The following SYNE1 variants were observed in gnomAD, a reference collection of about 807,000 sequenced individuals.
SYNE1 encodes spectrin repeat containing nuclear envelope protein 1.
In SYNE1, 616 loss-of-function variants were observed where a neutral mutation model predicts 1,111.0. The observed-to-expected ratio is 0.55, with a 90% confidence interval of 0.52 to 0.59. The LOEUF is 0.59. Ranked by LOEUF, SYNE1 falls within the 20% of genes least tolerant of loss-of-function variation. The probability of loss-of-function intolerance (pLI) is 0.00; values close to 1 mark genes in which losing one functional copy is unlikely to be tolerated. For missense variants in SYNE1, 10,006 were observed against 10,417.0 expected (o/e 0.96, Z 1.72); for synonymous variants, 3,855 against 3,825.8 (o/e 1.01, Z -0.28).
intron 145 of SYNE1, chr6:152,127,110 A>G (rs2053731163): frequency 6.6e-6 from 1 of 152,046 alleles, no homozygotes; most frequent in Non-Finnish European, 1.5e-5. Context: ...TTTTTTTCCA[A>G]ACCAAACATT....
intron 44 of SYNE1, among the ~76,000 whole-genome samples, chr6:152,407,951 T>C (rs1388028225): frequency 7.9e-5 from 12 of 151,552 alleles, no homozygotes; most frequent in Admixed American, 5.9e-4. Flanking sequence ...TTAGTAGAGA[T>C]GGGGTTTCAC....
intron 3 of SYNE1, among the ~76,000 whole-genome samples, chr6:152,595,547 G>A (rs1326357888): frequency 6.6e-6 from 1 of 152,170 alleles, no homozygotes; most frequent in African/African-American, 2.4e-5. Flanking sequence ...AATAGTAGGT[G>A]AATGAATAAA....
At chr6:152,428,532 A>C (rs2098395459) in intron 36 of SYNE1, 140 bp from the exon 37 acceptor site, 4 of 780,872 alleles carry the variant, frequency 5.1e-6, no homozygotes, top group Non-Finnish European at 8.7e-6. Flanking sequence ...ACAAATATAC[A>C]GTTTGATAGA....
intron 67 of SYNE1, among the ~76,000 whole-genome samples, chr6:152,354,099 C>T (rs1444521149): frequency 6.6e-6 from 1 of 152,044 alleles, no homozygotes; most frequent in Non-Finnish European, 1.5e-5. Context: ...GAGACCGCAC[C>T]ACTGCACTCC....
intron 95 of SYNE1, among the ~76,000 whole-genome samples, chr6:152,286,218 C>T (rs2094319337): frequency 6.6e-6 from 1 of 152,110 alleles, no homozygotes; most frequent in African/African-American, 2.4e-5. Flanking sequence ...TATATATATC[C>T]ATGCTGCTGC....
chr6:152,503,371 G>A (rs1391948787), intron 9 of SYNE1, among the ~76,000 whole-genome samples: 1 of 152,138 alleles, frequency 6.6e-6, no homozygotes, highest in Non-Finnish European at 1.5e-5. Flanking sequence ...AACTCTTCGA[G>A]GGCCTGAGAA....
Position 152,358,461 on chromosome 6 carries a change from C to A in SYNE1, c.10520G>T (p.Trp3507Leu), listed in dbSNP as rs1473654299. 3 of 1,614,150 alleles carry A rather than the reference C, an allele frequency of 1.9e-6. No homozygotes were observed. The highest frequency in any genetic ancestry group is 1.1e-5 in the South Asian group (1 of 91,076). The stretch of plus-strand genomic sequence containing the variant: ...GAGCTTTTCTTGTTCTTGCCCCAAC[C>A]AAACTTCAAATGCCTTTAGGTCTCT... ...YQRDLKAFEVWLGQEQEKLDQ... is the reference protein window; with the variant it reads ...YQRDLKAFEVLLGQEQEKLDQ... The change falls in exon 66 of 146, where the codon TGG (tryptophan) becomes TTG (leucine). Residue 3507 changes from tryptophan to leucine, a missense_variant. This residue lies in a region of SYNE1 where 4,955 missense variants were observed against 5,017.2 expected (regional missense o/e 0.99). Coordinates refer to ENST00000367255, the MANE Select transcript of SYNE1 (RefSeq NM_182961.4).
In SYNE1 at chr6:152,367,356, G is replaced by A. The variant is rs142241062; in HGVS notation, c.9834C>T (p.Ile3278=). Reference sequence around the variant, plus strand: ...GAGAGAACTGATTGTGTTCTGCAACGATTCTATCCAGTCTTGACACTTTCT... The same window carrying A: ...GAGAGAACTGATTGTGTTCTGCAACAATTCTATCCAGTCTTGACACTTTCT... ...TKEKVSRLDR[I]VAEHNQFSLG... is the part of the protein sequence containing the mutation. Residue 3278 remains isoleucine, a synonymous_variant, in exon 62 of 146, where the codon ATC becomes ATT. Transcript: ENST00000367255. 51 of 1,613,924 alleles carry A rather than the reference G, an allele frequency of 3.2e-5. No individual in the cohort carries two copies. The highest frequency in any genetic ancestry group is 5.3e-5 in the African/African-American group (4 of 74,866).
At chr6:152,623,183 A>G (rs1297640159) in intron 3 of SYNE1, among the ~76,000 whole-genome samples, 1 of 152,170 alleles carries the variant, frequency 6.6e-6, no homozygotes, top group Non-Finnish European at 1.5e-5. Context: ...CAGAGAACCC[A>G]GAAATAAGAC....
At chr6:152,439,524 C>T (rs966388891) in intron 32 of SYNE1, among the ~76,000 whole-genome samples, 3 of 152,062 alleles carry the variant, frequency 2.0e-5, no homozygotes, top group South Asian at 2.1e-4. Context: ...CCATCGTACC[C>T]GGCCAAATAA....
Position 152,540,035 on chromosome 6 carries a change from G to T in SYNE1, c.68-14C>A, listed in dbSNP as rs554675581. On this transcript the variant is annotated splice_polypyrimidine_tract_variant and intron_variant, in intron 3 of 145. Coordinates refer to ENST00000367255, the MANE Select transcript of SYNE1 (RefSeq NM_182961.4). Reference sequence around the variant, plus strand: ...TCTCTTGCTCATCTAGAAGGAAAAAGAAATCTGGTTAAATAATGTAATATT... The same window carrying T: ...TCTCTTGCTCATCTAGAAGGAAAAATAAATCTGGTTAAATAATGTAATATT... The T allele has an allele frequency of 2.5e-6, 4 of 1,612,218 alleles. No individual in the cohort carries two copies. The highest frequency in any genetic ancestry group is 2.5e-6 in the Non-Finnish European group (3 of 1,178,606).
At position 152,620,739 on chromosome 6, in the gene SYNE1, C is replaced by G. The variant is rs187778040; in HGVS notation, c.67+7526G>C. Among the ~76,000 whole-genome samples, 807 of 152,240 alleles carry G rather than the reference C, an allele frequency of 5.3e-3. 7 individuals are homozygous for G. The highest frequency in any genetic ancestry group is 0.018 in the African/African-American group (765 of 41,552). ...TCAAAAATAACCTCTATTCCGGCCT[C>G]CCAGCTTCCCCCATTGAAAATAAAT... On this transcript the variant is annotated intron_variant, in intron 3 of 145. Coordinates refer to ENST00000367255, the MANE Select transcript of SYNE1 (RefSeq NM_182961.4).
intron 58 of SYNE1, among the ~76,000 whole-genome samples, chr6:152,374,202 C>T (rs1187798672): frequency 6.6e-6 from 1 of 152,160 alleles, no homozygotes; most frequent in Non-Finnish European, 1.5e-5. Context: ...TATACTTTTC[C>T]TTTCATGTGG....
intron 130 of SYNE1, among the ~76,000 whole-genome samples, chr6:152,170,532 A>G (rs1204460380): frequency 6.6e-6 from 1 of 152,238 alleles, no homozygotes; most frequent in Non-Finnish European, 1.5e-5. Context: ...TTCTGTGCTC[A>G]TCGCATCAAT....
chr6:152,277,205 C>G, intron 98 of SYNE1, among the ~76,000 whole-genome samples: 1 of 150,602 alleles, frequency 6.6e-6, no homozygotes, highest in Non-Finnish European at 1.5e-5. Flanking sequence ...ACTTTTTATC[C>G]TATCCGTTTC....
rs565540377 is a variant in SYNE1, at chr6:152,271,726, T to C, written c.18574-2440A>G. The stretch of plus-strand genomic sequence containing the variant: ...TTCCAAGCAAAGTTGAAACAGCAGT[T>C]CAAAAGGAACCCATAGAAAATGGCC... On this transcript the variant is annotated intron_variant, in intron 98 of 145. Transcript: ENST00000367255. Among the ~76,000 whole-genome samples the C allele has an allele frequency of 2.5e-4, 38 of 152,308 alleles. No individual in the cohort carries two copies. In the South Asian group the frequency reaches 7.5e-3, roughly 30 times the overall value.
chr6:152,145,268 T>G, intron 137 of SYNE1: 1 of 598,274 alleles, frequency 1.7e-6, no homozygotes. Flanking sequence ...CAATCACCAT[T>G]TAACAAGTTG....
chr6:152,310,556 A>T, intron 88 of SYNE1, 38 bp from the exon 89 acceptor site: 1 of 1,613,570 alleles, frequency 6.2e-7, no homozygotes, highest in Non-Finnish European at 8.5e-7. Flanking sequence ...CTTGAAGTTC[A>T]AAGCCATAGG....
chr6:152,160,778 T>C (rs1440600303), intron 131 of SYNE1, among the ~76,000 whole-genome samples: 1 of 152,168 alleles, frequency 6.6e-6, no homozygotes. Context: ...CCCAGTATTG[T>C]TTTGGAGAAG....
Sources: gnomAD v4.1 joint callset for allele counts (sites outside exome capture counted in the v4.1 genomes callset) on GRCh38, gnomAD v4.1.1 for gene constraint, gnomAD v4.1.1 regional missense constraint, MANE v1.5 for transcripts, NCBI Gene and HGNC (gene_info 2026-07-23, HGNC 2026-07-21) for gene names.